The following SUPT4H1 variants were observed in gnomAD, a reference collection of about 807,000 sequenced individuals.
SUPT4H1 encodes the protein SPT4 homolog, DSIF elongation factor subunit, also known as transcription elongation factor SPT4.
In SUPT4H1, 12 loss-of-function variants were observed where a neutral mutation model predicts 19.4. The observed-to-expected ratio is 0.62, with a 90% confidence interval of 0.40 to 1.00. The LOEUF is 1.00. SUPT4H1 is among the 50% of genes least tolerant of loss of function. SUPT4H1 has a pLI of 0.00. For synonymous variants in SUPT4H1, 58 were observed against 56.3 expected (o/e 1.03, Z -0.14); for missense variants, 115 against 149.2 (o/e 0.77, Z 1.19).
chr17:58,351,388 C>G lies in SUPT4H1; in HGVS notation c.176+14G>C. On this transcript the variant is annotated intron_variant, in intron 2 of 4. Transcript: ENST00000225504. ...GTAATGCAGAAGTGAATGATGGAAA[C>G]TGAAGCGGCTTACCCATCAAAGGAA... 2 of 1,584,934 alleles carry G rather than the reference C, an allele frequency of 1.3e-6. No homozygotes were observed. The highest frequency in any genetic ancestry group is 1.7e-6 in the Non-Finnish European group (2 of 1,155,442).
At chr17:58,349,057 A>G (rs1972393838) in intron 2 of SUPT4H1, among the ~76,000 whole-genome samples, 1 of 152,218 alleles carries the variant, frequency 6.6e-6, no homozygotes, top group Non-Finnish European at 1.5e-5. Context: ...ATAAATAATT[A>G]AGTGTTGGTG....
chr17:58,347,382 G>A, intron 3 of SUPT4H1, 141 bp from the exon 4 acceptor site: 5 of 1,316,888 alleles, frequency 3.8e-6, no homozygotes, highest in Non-Finnish European at 5.5e-6. Flanking sequence ...AAATGACAAG[G>A]CACAGGACAC....
intron 3 of SUPT4H1, 41 bp from the exon 4 acceptor site, chr17:58,347,282 A>C (rs886120480): frequency 1.9e-6 from 3 of 1,605,458 alleles, no homozygotes; most frequent in Non-Finnish European, 1.7e-6. Flanking sequence ...CAGTGAAGTT[A>C]GTTAAGACTC....
Position 58,347,615 on chromosome 17 carries a change from C to T in SUPT4H1, c.177-31G>A, listed in dbSNP as rs192352902. ...GAGGGAAAAGAAATGGAGAGTCAGC[C>T]TGAGCCTCCCTGGGCCTGAGCTCAA... On this transcript the variant is annotated intron_variant, in intron 2 of 4. Coordinates refer to ENST00000225504, the MANE Select transcript of SUPT4H1 (RefSeq NM_003168.3). 2.6e-4 allele frequency: 421 copies of T among 1,607,714 alleles called. 2 individuals carry two copies. In the African/African-American group the frequency reaches 5.1e-3, roughly 20 times the overall value.
At chr17:58,351,272 A>T in intron 2 of SUPT4H1, 130 bp downstream of exon 2, 1 of 588,176 alleles carries the variant, frequency 1.7e-6, no homozygotes, top group East Asian at 3.0e-5. Context: ...AAAAAAAAAA[A>T]AACCCACACA....
At position 58,352,132 on chromosome 17, in the gene SUPT4H1, C is replaced by A. The variant is rs146989024; in HGVS notation, c.4G>T (p.Ala2Ser). The A allele has an allele frequency of 1.2e-6, 2 of 1,614,064 alleles. No homozygotes were observed. Among genetic ancestry groups the A allele is most frequent in the Middle Eastern group, 1.6e-4 (1 of 6,084 alleles). M[A>S]LETVPKDLRH... is the part of the protein sequence containing the mutation. The stretch of plus-strand genomic sequence containing the variant: ...AGGTCCTTCGGCACCGTCTCCAGGG[C>A]CATCTTCGCCGATGGGAAGAACAAC... Residue 2 changes from alanine (A) to serine (S), a missense_variant, in exon 1 of 5, where the codon GCC (alanine) becomes TCC (serine). Ala to Ser is a moderately conservative substitution (Grantham distance 99). Coordinates refer to ENST00000225504, the MANE Select transcript of SUPT4H1 (RefSeq NM_003168.3).
In SUPT4H1 at chr17:58,345,908, G is replaced by A. The variant is rs114818044; in HGVS notation, c.*338C>T. 835 of 230,672 alleles carry A rather than the reference G, an allele frequency of 3.6e-3. 7 individuals are homozygous for A. Among genetic ancestry groups the A allele is most frequent in the African/African-American group, 0.018 (770 of 43,324 alleles). The allele number at this position is 230,672 out of a possible 1,614,324, so 14.3% of individuals were successfully genotyped here. A position where few individuals can be genotyped will look rare whatever the true frequency, so the allele number is the denominator to read the frequency against. On this transcript the variant is annotated 3_prime_UTR_variant, in exon 5 of 5. Transcript: ENST00000225504. The stretch of plus-strand genomic sequence containing the variant: ...AGAATGGAAGAGGGAGGCAAGGCAG[G>A]TGTCATGGCCTTCAGAACTTTCTCG...
rs760255136 is a variant in SUPT4H1 at position 58,352,173 on chromosome 17, C to T, written c.-38G>A. ...GAAGAACAACAGGGAGATAGACGAC[C>T]ACAGCCTGTGCACCCGCAGGAAGTA... is the stretch of plus-strand genomic sequence containing the variant. On this transcript the variant is annotated 5_prime_UTR_variant, in exon 1 of 5. Transcript: ENST00000225504. The T allele has an allele frequency of 6.2e-7, 1 of 1,604,182 alleles. No individual in the cohort carries two copies. The highest frequency in any genetic ancestry group is 1.1e-5 in the South Asian group (1 of 90,850).
In SUPT4H1 at chr17:58,352,177, G is replaced by T. The variant is rs369316300; in HGVS notation, c.-42C>A. On this transcript the variant is annotated 5_prime_UTR_variant, in exon 1 of 5. The change creates a new upstream start codon in the 5' untranslated region. Coordinates refer to ENST00000225504, the MANE Select transcript of SUPT4H1 (RefSeq NM_003168.3). Reference sequence around the variant, plus strand: ...AACAACAGGGAGATAGACGACCACAGCCTGTGCACCCGCAGGAAGTAAATA... The same window carrying T: ...AACAACAGGGAGATAGACGACCACATCCTGTGCACCCGCAGGAAGTAAATA... 1.8e-5 allele frequency: 29 copies of T among 1,593,254 alleles called. No homozygotes were observed. The East Asian group carries it at 5.4e-4, about 30-fold the overall frequency.
At chr17:58,347,508 A>G in intron 3 of SUPT4H1, 21 bp downstream of exon 3, 1 of 1,614,094 alleles carries the variant, frequency 6.2e-7, no homozygotes, top group Non-Finnish European at 8.5e-7. Context: ...CTAAGCCAAA[A>G]GGAGACAGGC....
rs773854986 is a variant in SUPT4H1, at chr17:58,346,322, G to C, written c.287-9C>G. ...CAGCTCCCGCACGATTCCTGAAGCA[G>C]GAAAAGAAACAGTTCTGTGAGGTAA... On this transcript the variant is annotated splice_polypyrimidine_tract_variant and intron_variant, in intron 4 of 4. Coordinates refer to ENST00000225504, the MANE Select transcript of SUPT4H1 (RefSeq NM_003168.3). 12 of 1,613,482 alleles carry C rather than the reference G, an allele frequency of 7.4e-6. No homozygotes were observed. In the African/African-American group the frequency reaches 1.3e-4, roughly 18 times the overall value.
chr17:58,348,853 C>A (rs1374528518), intron 2 of SUPT4H1, among the ~76,000 whole-genome samples: 2 of 152,170 alleles, frequency 1.3e-5, no homozygotes, highest in Admixed American at 1.3e-4. Context: ...ACCTAATATG[C>A]ACTAGAATTA....
chr17:58,351,987 A>G (rs1972544408), intron 1 of SUPT4H1, 80 bp downstream of exon 1: 2 of 1,469,396 alleles, frequency 1.4e-6, no homozygotes, highest in East Asian at 4.6e-5. Context: ...TTTTCTCTTT[A>G]CTGTCCCACA....
chr17:58,351,194 G>A (rs1567867107), intron 2 of SUPT4H1, among the ~76,000 whole-genome samples: 1 of 147,176 alleles, frequency 6.8e-6, no homozygotes, highest in Non-Finnish European at 1.5e-5. Flanking sequence ...CCACGCTGCA[G>A]TGAGCTATGA....
intron 1 of SUPT4H1, 175 bp downstream of exon 1, chr17:58,351,892 A>C (rs1488975011): frequency 3.0e-6 from 2 of 662,052 alleles, no homozygotes; most frequent in Non-Finnish European, 5.2e-6. Flanking sequence ...CTCAGCTGCA[A>C]GACCTGTCCG....
chr17:58,347,981 A>C (rs1206415083), intron 2 of SUPT4H1, among the ~76,000 whole-genome samples: 1 of 152,222 alleles, frequency 6.6e-6, no homozygotes, highest in Non-Finnish European at 1.5e-5. Context: ...AAAGGAGTTC[A>C]ACTTGGCTAA....
chr17:58,351,565 G>A, intron 1 of SUPT4H1, 57 bp from the exon 2 acceptor site: 4 of 1,245,756 alleles, frequency 3.2e-6, no homozygotes, highest in African/African-American at 1.5e-5. Flanking sequence ...AAGACCAAGA[G>A]AAAAAGTAGC....
chr17:58,347,575 C>G lies in SUPT4H1; in HGVS notation c.186G>C (p.Ala62=), dbSNP rs745582542. ...CCCAGCTGTCCTCTGGACTCATCATCGCAATGATTCTAGGGAGGGAAAAGA... is the reference window on the plus strand; with the variant it reads ...CCCAGCTGTCCTCTGGACTCATCATGGCAATGATTCTAGGGAGGGAAAAGA... ...CTSSSFDGII[A]MMSPEDSWVS... Residue 62 remains alanine (A), a synonymous_variant, in exon 3 of 5, where the codon GCG becomes GCC. Coordinates refer to ENST00000225504, the MANE Select transcript of SUPT4H1 (RefSeq NM_003168.3). 1 of 1,614,040 alleles carries G rather than the reference C, an allele frequency of 6.2e-7. No homozygotes were observed. Among genetic ancestry groups the G allele is most frequent in the African/African-American group, 1.3e-5 (1 of 74,912 alleles).
chr17:58,348,302 A>C (rs1023638640), intron 2 of SUPT4H1, among the ~76,000 whole-genome samples: 1 of 152,222 alleles, frequency 6.6e-6, no homozygotes, highest in African/African-American at 2.4e-5. Flanking sequence ...ATGCTTACTG[A>C]CTGCCTATTG....
Sources: gnomAD v4.1 joint callset for allele counts (sites outside exome capture counted in the v4.1 genomes callset) on GRCh38, gnomAD v4.1.1 for gene constraint, MANE v1.5 for transcripts, NCBI Gene and HGNC (gene_info 2026-07-23, HGNC 2026-07-21) for gene names.